Variants in HERC2 observed in about 807,000 individuals in gnomAD.
HERC2 encodes HECT and RLD domain containing E3 ubiquitin protein ligase 2, also known as E3 ubiquitin-protein ligase HERC2.
Under a neutral mutation model 537.7 loss-of-function variants are expected in HERC2, and 102 were observed. That is an observed-to-expected ratio of 0.19 (90% CI 0.16 to 0.22). The LOEUF (loss-of-function observed/expected upper bound fraction) is 0.22. Among genes scored for constraint, HERC2 ranks in the 10% least tolerant of loss-of-function variants. The pLI is 1.00. For missense variants in HERC2, 4,236 were observed against 6,198.2 expected (o/e 0.68, Z 10.63); for synonymous variants, 2,224 against 2,466.2 (o/e 0.90, Z 2.91).
intron 79 of HERC2, among the ~76,000 whole-genome samples, chr15:28,134,040 T>C (rs1378662132): frequency 1.3e-5 from 2 of 152,232 alleles, no homozygotes; most frequent in African/African-American, 2.4e-5. Context: ...GGGAAGGTGT[T>C]GAATCTATAG....
intron 2 of HERC2, among the ~76,000 whole-genome samples, chr15:28,314,385 G>A (rs2141295370): frequency 6.6e-6 from 1 of 152,312 alleles, no homozygotes; most frequent in South Asian, 2.1e-4. Flanking sequence ...GGGAAAGTGA[G>A]ACAAGGAGAT....
chr15:28,243,884 C>T (rs912930760), intron 23 of HERC2, among the ~76,000 whole-genome samples: 5 of 152,180 alleles, frequency 3.3e-5, no homozygotes, highest in African/African-American at 1.2e-4. Context: ...ATTAAAGAAA[C>T]AGATGTAAGA....
intron 88 of HERC2, among the ~76,000 whole-genome samples, chr15:28,116,083 G>A (rs570425796): frequency 6.6e-6 from 1 of 152,334 alleles, no homozygotes; most frequent in South Asian, 2.1e-4. Flanking sequence ...GGCTCTGCCA[G>A]TGCCTGCAGC....
intron 44 of HERC2, among the ~76,000 whole-genome samples, chr15:28,208,265 C>T (rs1257096362): frequency 6.6e-6 from 1 of 152,088 alleles, no homozygotes. Context: ...ATATTTTTTT[C>T]AAACGCACCA....
chr15:28,224,531 A>C (rs1309322010), intron 35 of HERC2, among the ~76,000 whole-genome samples: 1 of 152,210 alleles, frequency 6.6e-6, no homozygotes, highest in Non-Finnish European at 1.5e-5. Context: ...GAATGGATTA[A>C]TGTGAACTCT....
intron 35 of HERC2, among the ~76,000 whole-genome samples, chr15:28,222,481 T>TC (rs1332010664): frequency 1.3e-5 from 2 of 152,044 alleles, no homozygotes; most frequent in African/African-American, 2.4e-5. Flanking sequence ...TAGGAATTAC[T>TC]CCCCCCAAAA....
At chr15:28,229,979 T>A in intron 31 of HERC2, 132 bp from the exon 32 acceptor site, 1 of 725,512 alleles carries the variant, frequency 1.4e-6, no homozygotes, top group Non-Finnish European at 2.4e-6. Flanking sequence ...TACATGGTTT[T>A]AAAACTATGC....
rs568206909 is a variant in HERC2 at position 28,233,780 on chromosome 15, A to G, written c.4235T>C (p.Ile1412Thr). ...ATGGCACTGCCTACAGTACCTTTCT[A>G]TTTGACACAAAAAGTCCTGCAACAG... ...DHNVKDFLCQ[I>T]ERYCRQCHLT... is the part of the protein sequence containing the mutation. The change falls in exon 28 of 93, where the codon ATA becomes ACA. Residue 1412 changes from isoleucine (I) to threonine (T), a missense_variant. By Grantham distance (89) the Ile-to-Thr change is moderately conservative. Transcript: ENST00000261609. 5 of 1,612,344 alleles carry G rather than the reference A, an allele frequency of 3.1e-6. No homozygotes were observed. The highest frequency in any genetic ancestry group is 4.2e-6 in the Non-Finnish European group (5 of 1,179,772).
chr15:28,240,083 G>A (rs1902903802), intron 23 of HERC2, among the ~76,000 whole-genome samples: 1 of 152,022 alleles, frequency 6.6e-6, no homozygotes, highest in Non-Finnish European at 1.5e-5. Flanking sequence ...TCATTAAGAG[G>A]TAAAATGCCT....
chr15:28,293,142 G>A (rs1476466942), intron 3 of HERC2, 120 bp from the exon 4 acceptor site: 14 of 838,772 alleles, frequency 1.7e-5, no homozygotes, highest in Middle Eastern at 3.8e-4. Context: ...GTTGGACAAC[G>A]TAAAAATAAA....
At chr15:28,160,394 C>T (rs2142414840) in intron 69 of HERC2, among the ~76,000 whole-genome samples, 1 of 152,342 alleles carries the variant, frequency 6.6e-6, no homozygotes, top group South Asian at 2.1e-4. Flanking sequence ...GTTTCAGCTT[C>T]CGGGCCGCTT....
chr15:28,131,628 C>T (rs1351542278), intron 81 of HERC2, among the ~76,000 whole-genome samples: 1 of 152,214 alleles, frequency 6.6e-6, no homozygotes, highest in East Asian at 1.9e-4. Flanking sequence ...CTGCAGGACT[C>T]AGGCGCTGTG....
chr15:28,132,336 G>A, intron 80 of HERC2, 75 bp from the exon 81 acceptor site: 1 of 1,355,854 alleles, frequency 7.4e-7, no homozygotes, highest in East Asian at 2.5e-5. Flanking sequence ...TCACAACACT[G>A]CCATTCTTTT....
chr15:28,277,710 C>T (rs1049288021), intron 5 of HERC2, among the ~76,000 whole-genome samples: 5 of 152,080 alleles, frequency 3.3e-5, no homozygotes, highest in South Asian at 2.1e-4. Context: ...CCATCACAGC[C>T]GGTTAGGAAG....
chr15:28,319,617 A>G (rs573330473), intron 2 of HERC2, among the ~76,000 whole-genome samples: 1 of 150,616 alleles, frequency 6.6e-6, no homozygotes, highest in East Asian at 1.9e-4. Context: ...AGACTTTCTA[A>G]TCATATTGGA....
At chr15:28,221,349 CA>C (rs1900506040) in intron 36 of HERC2, among the ~76,000 whole-genome samples, 1 of 146,246 alleles carries the variant, frequency 6.8e-6, no homozygotes, top group Non-Finnish European at 1.5e-5. Context: ...CCCTGGGCCC[CA>C]GGGGGAAGCT....
At position 28,169,652 on chromosome 15, in the gene HERC2, A is replaced by G; in HGVS notation, c.10061T>C (p.Val3354Ala). ...AGCAGAAGAATCAGCATCTGAAGGC[A>G]CGCCTATAAGAGGAAAATAAAATTT... ...RDPLGASYLG[V>A]PSDADSSAAS... The change falls in exon 66 of 93, where the codon GTG becomes GCG. Residue 3354 changes from valine (V) to alanine (A), a missense_variant. This residue lies in a region of HERC2 where 356 missense variants were observed against 450.9 expected (regional missense o/e 0.79). Transcript: ENST00000261609. The G allele has an allele frequency of 3.1e-6, 5 of 1,610,624 alleles. No individual in the cohort carries two copies. Among genetic ancestry groups the G allele is most frequent in the Non-Finnish European group, 4.2e-6 (5 of 1,178,894 alleles).
At chr15:28,298,792 TC>T (rs533028909) in intron 3 of HERC2, among the ~76,000 whole-genome samples, 3 of 150,906 alleles carry the variant, frequency 2.0e-5, no homozygotes, top group African/African-American at 7.3e-5. Flanking sequence ...CAAGACTCCT[TC>T]CCCCCCAAAA....
rs144787505 is a variant in HERC2, at chr15:28,140,184, T to C, written c.12015+1248A>G. Among the ~76,000 whole-genome samples the C allele has an allele frequency of 1.6e-3, 245 of 152,124 alleles. 2 individuals are homozygous for C. Among genetic ancestry groups the C allele is most frequent in the African/African-American group, 5.7e-3 (238 of 41,516 alleles). Reference sequence around the variant, plus strand: ...GACTAGAAACAGAAGGAAACATGCCTAATCTGATCAAGGGCTTCTACTCAA... The same window carrying C: ...GACTAGAAACAGAAGGAAACATGCCCAATCTGATCAAGGGCTTCTACTCAA... On this transcript the variant is annotated intron_variant, in intron 78 of 92. Coordinates refer to ENST00000261609, the MANE Select transcript of HERC2 (RefSeq NM_004667.6).
Sources: gnomAD v4.1 joint callset for allele counts (sites outside exome capture counted in the v4.1 genomes callset) on GRCh38, gnomAD v4.1.1 for gene constraint, gnomAD v4.1.1 regional missense constraint, MANE v1.5 for transcripts, NCBI Gene and HGNC (gene_info 2026-07-23, HGNC 2026-07-21) for gene names.